Variants in SSBP4 observed in about 807,000 individuals in gnomAD.
SSBP4 encodes the protein single-stranded DNA-binding protein 4.
A neutral mutation model predicts 64.6 loss-of-function variants in SSBP4; 33 were observed. The ratio of observed to expected loss-of-function variants is 0.51; its 90% CI spans 0.39 to 0.68. SSBP4 has a LOEUF of 0.68. Among genes scored for constraint, SSBP4 ranks in the 30% least tolerant of loss-of-function variants. The pLI, the probability that SSBP4 is intolerant of heterozygous loss-of-function variation, is 0.00. For missense variants in SSBP4, 583 were observed against 566.8 expected (o/e 1.03, Z -0.29); for synonymous variants, 243 against 224.0 (o/e 1.08, Z -0.76).
intron 1 of SSBP4, among the ~76,000 whole-genome samples, chr19:18,424,818 T>A (rs559924618): frequency 9.6e-5 from 13 of 134,938 alleles, no homozygotes; most frequent in South Asian, 2.3e-4. Flanking sequence ...AGAGGCTCCT[T>A]GGACAGGATG....
intron 17 of SSBP4, 30 bp from the exon 18 acceptor site, chr19:18,434,187 C>T (rs747619167): frequency 7.5e-6 from 12 of 1,610,208 alleles, no homozygotes; most frequent in Admixed American, 1.7e-5. Flanking sequence ...GAACTCGGCC[C>T]CTGCGCGCTG....
intron 17 of SSBP4, 192 bp downstream of exon 17, chr19:18,434,009 C>T: frequency 8.8e-7 from 1 of 1,131,942 alleles, no homozygotes; most frequent in Non-Finnish European, 1.1e-6. Context: ...TCCTATTTCA[C>T]CGTCCCGATC....
In SSBP4 at chr19:18,427,601, C is replaced by T; in HGVS notation, c.133-151C>T. The T allele has an allele frequency of 6.0e-6, 7 of 1,172,722 alleles. No individual in the cohort carries two copies. Among genetic ancestry groups the T allele is most frequent in the Middle Eastern group, 2.4e-4 (1 of 4,160 alleles). The allele number at this position is 1,172,722 out of a possible 1,614,324, so 72.6% of individuals were successfully genotyped here. A position where few individuals can be genotyped will look rare whatever the true frequency, so the allele number is the denominator to read the frequency against. On this transcript the variant is annotated intron_variant, in intron 2 of 17. Coordinates refer to ENST00000270061, the MANE Select transcript of SSBP4 (RefSeq NM_032627.5). This position sits in a 1 kb window ranked among gnomAD's most constrained non-coding sequence, Gnocchi z 4.4. ...CAGGCATCTGGTCCACATGCCCAGC[C>T]GGGACCTGCCACACATCCTGGGGCC...
At chr19:18,412,444 G>A in the SSBP4 span, among the ~76,000 whole-genome samples, 1 of 118,162 alleles carries the variant, frequency 8.5e-6, no homozygotes, top group Admixed American at 1.1e-4. Flanking sequence ...CTGGGCAACA[G>A]AATGAGACTC....
At chr19:18,428,503 A>G (rs1973037400) in intron 4 of SSBP4, among the ~76,000 whole-genome samples, 1 of 152,122 alleles carries the variant, frequency 6.6e-6, no homozygotes, top group Non-Finnish European at 1.5e-5. Flanking sequence ...AAAAGGTCAG[A>G]GGCCGGCCTG....
At chr19:18,402,993 G>A in the SSBP4 span, among the ~76,000 whole-genome samples, 1 of 152,184 alleles carries the variant, frequency 6.6e-6, no homozygotes, top group Admixed American at 6.5e-5. Context: ...GAATGTCTCG[G>A]TATAAAACCC....
the SSBP4 span, among the ~76,000 whole-genome samples, chr19:18,410,139 G>A: frequency 6.6e-6 from 1 of 152,142 alleles, no homozygotes; most frequent in Non-Finnish European, 1.5e-5. Flanking sequence ...GACTACAGGC[G>A]CCCGCCACCA....
chr19:18,413,051 C>T, the SSBP4 span, among the ~76,000 whole-genome samples: 36 of 151,988 alleles, frequency 2.4e-4, no homozygotes, highest in African/African-American at 8.0e-4. Context: ...GGATGAGTGG[C>T]GCTCAGCCCC....
At chr19:18,420,869 A>T (rs1176418123) in intron 1 of SSBP4, among the ~76,000 whole-genome samples, 5 of 151,646 alleles carry the variant, frequency 3.3e-5, no homozygotes, top group African/African-American at 1.2e-4. Context: ...AAAACAAAAA[A>T]CAAAAAAACA....
chr19:18,416,447 G>A (rs7257932), upstream of SSBP4, among the ~76,000 whole-genome samples: 64,907 of 152,042 alleles, frequency 0.43, 15,653 homozygotes, highest in African/African-American at 0.67. Flanking sequence ...AAGTGCTGGG[G>A]CTACAGGCAC....
intron 5 of SSBP4, 26 bp from the exon 6 acceptor site, chr19:18,431,327 C>T: frequency 1.5e-6 from 1 of 664,750 alleles, no homozygotes; most frequent in Non-Finnish European, 2.7e-6. Flanking sequence ...TCACTCCCCC[C>T]CACCCACCTG....
chr19:18,403,876 G>A, the SSBP4 span, among the ~76,000 whole-genome samples: 1 of 152,070 alleles, frequency 6.6e-6, no homozygotes, highest in African/African-American at 2.4e-5. Context: ...CCTCATCCCT[G>A]GCTGAAGGGA....
intron 4 of SSBP4, among the ~76,000 whole-genome samples, chr19:18,429,151 C>T (rs554261537): frequency 6.6e-6 from 1 of 152,268 alleles, no homozygotes; most frequent in African/African-American, 2.4e-5. Flanking sequence ...GGGCCGTCGC[C>T]TCCGTTGCTC....
At position 18,431,721 on chromosome 19, in the gene SSBP4, A is replaced by T; in HGVS notation, c.495+15A>T. The T allele has an allele frequency of 6.5e-7, 1 of 1,547,004 alleles. No individual in the cohort carries two copies. The highest frequency in any genetic ancestry group is 8.7e-7 in the Non-Finnish European group (1 of 1,144,960). On this transcript the variant is annotated intron_variant, in intron 7 of 17. Transcript: ENST00000270061. ...TGCCGAGTCAGGTGAGAAAGGGATG[A>T]GGGGAGGGCGGGCAGGAGCTGGGCC...
the SSBP4 span, among the ~76,000 whole-genome samples, chr19:18,404,276 T>A: frequency 6.6e-6 from 1 of 150,854 alleles, no homozygotes; most frequent in Non-Finnish European, 1.5e-5. Flanking sequence ...CCCTCAGAGA[T>A]CCCCAGAGAC....
chr19:18,432,187 C>T lies in SSBP4; in HGVS notation c.677C>T (p.Ala226Val), dbSNP rs766324564. ...GGMRPPPNSL[A>V]GPGLPAMNMG... ...ATGCGACCCCCACCCAACTCCCTCG[C>T]CGGCCCAGGCCTGCCTGCCATGAAC... is the stretch of plus-strand genomic sequence containing the variant. The change falls in exon 10 of 18, where the codon GCC (alanine) becomes GTC (valine). Residue 226 changes from alanine (A) to valine (V), a missense_variant. This residue lies in a region of SSBP4 where 444 missense variants were observed against 386.6 expected (regional missense o/e 1.15). Coordinates refer to ENST00000270061, the MANE Select transcript of SSBP4 (RefSeq NM_032627.5). 2 of 1,613,152 alleles carry T rather than the reference C, an allele frequency of 1.2e-6. No individual in the cohort carries two copies. The highest frequency in any genetic ancestry group is 8.5e-7 in the Non-Finnish European group (1 of 1,179,986).
chr19:18,429,002 G>A (rs1973089874), intron 4 of SSBP4, among the ~76,000 whole-genome samples: 1 of 152,206 alleles, frequency 6.6e-6, no homozygotes, highest in Admixed American at 6.5e-5. Context: ...GGGCGGAGCT[G>A]GAGAGTCGGC....
rs766429974 is a variant in SSBP4, at chr19:18,434,306, G to A, written c.*60G>A. 5.6e-6 allele frequency: 9 copies of A among 1,596,374 alleles called. No homozygotes were observed. The highest frequency in any genetic ancestry group is 1.3e-5 in the African/African-American group (1 of 74,118). ...GGCTTCTGCCCAGCGCCCCTGCTCA[G>A]GGCGAGGGGCTGAGGTCACACCTCG... On this transcript the variant is annotated 3_prime_UTR_variant, in exon 18 of 18. Transcript: ENST00000270061.
At chr19:18,429,818 C>T (rs1054738448) in intron 4 of SSBP4, among the ~76,000 whole-genome samples, 1 of 152,138 alleles carries the variant, frequency 6.6e-6, no homozygotes, top group Non-Finnish European at 1.5e-5. Flanking sequence ...TCCAGCCCCT[C>T]CCCCAGTTTA....
Sources: allele counts gnomAD v4.1 joint callset (sites outside exome capture counted in the v4.1 genomes callset), GRCh38; gene constraint gnomAD v4.1.1; regional missense constraint gnomAD v4.1.1; non-coding constraint Gnocchi (gnomAD v3.1); transcripts MANE v1.5; gene names NCBI Gene and HGNC (gene_info 2026-07-23, HGNC 2026-07-21).